Variants in USP47 observed in about 807,000 individuals in gnomAD.
USP47 encodes ubiquitin specific peptidase 47, also known as ubiquitin carboxyl-terminal hydrolase 47.
In USP47, 35 loss-of-function variants were observed where a neutral mutation model predicts 165.1. That is an observed-to-expected ratio of 0.21 (90% CI 0.16 to 0.28). The LOEUF (loss-of-function observed/expected upper bound fraction) is 0.28. Among genes scored for constraint, USP47 ranks in the 10% least tolerant of loss-of-function variants. USP47 has a pLI of 1.00. For missense variants in USP47, 1,277 were observed against 1,607.4 expected, an observed-to-expected ratio of 0.79 and a Z score of 3.52; for synonymous variants, 531 against 544.5, an observed-to-expected ratio of 0.98 and a Z score of 0.35.
In USP47 at chr11:11,952,857, G is replaced by T; in HGVS notation, c.3700G>T (p.Glu1234Ter). ...EVVLESSSVDELREKLSEISG... is the reference protein window; with the variant it reads ...EVVLESSSVD ...TGTATTGGAAAGCAGTAGTGTGGAC[G>T]AATTGCGAGAGAAGGTAAGTTCATT... Residue 1234 changes from glutamate to a stop codon, truncating the protein, a stop_gained, in exon 25 of 28, where the codon GAA (glutamate) becomes TAA (stop). Transcript: ENST00000527733. LOFTEE classifies it high-confidence loss of function. 6.2e-7 allele frequency: 1 copy of T among 1,602,108 alleles called. No homozygotes were observed. The highest frequency in any genetic ancestry group is 1.1e-5 in the South Asian group (1 of 89,398).
chr11:11,892,832 A>AG (rs1329741053), intron 4 of USP47, among the ~76,000 whole-genome samples: 17 of 143,178 alleles, frequency 1.2e-4, no homozygotes, highest in South Asian at 4.4e-4. Flanking sequence ...AAAAAAAAAA[A>AG]AAGAAAAAGA....
chr11:11,864,814 T>C lies in USP47; in HGVS notation c.40-15363T>C, dbSNP rs1471935558. 2.0e-5 allele frequency among the ~76,000 whole-genome samples: 3 copies of C among 152,172 alleles called. No homozygotes were observed. The East Asian group carries it at 5.8e-4, about 29-fold the overall frequency. The stretch of plus-strand genomic sequence containing the variant: ...TTATTTCTATTTAGATAACTTTCTT[T>C]AGCCATTTTCTTTTAGGTTAGGTCT... On this transcript the variant is annotated intron_variant, in intron 1 of 27. Transcript: ENST00000527733.
intron 19 of USP47, among the ~76,000 whole-genome samples, chr11:11,941,856 A>G (rs1250514010): frequency 6.6e-6 from 1 of 151,902 alleles, no homozygotes; most frequent in African/African-American, 2.4e-5. Context: ...GCTTCCTTGC[A>G]GTTTGTTACA....
intron 3 of USP47, among the ~76,000 whole-genome samples, chr11:11,889,899 C>G (rs753352425): frequency 6.6e-6 from 1 of 152,044 alleles, no homozygotes; most frequent in Non-Finnish European, 1.5e-5. Flanking sequence ...AGAAATAAGA[C>G]CACACATCTA....
At chr11:11,845,747 G>A (rs1298056456) in intron 1 of USP47, among the ~76,000 whole-genome samples, 1 of 152,092 alleles carries the variant, frequency 6.6e-6, no homozygotes, top group Non-Finnish European at 1.5e-5. Flanking sequence ...CAGCATCATT[G>A]GCAAGCTATT....
chr11:11,955,946 T>G, intron 27 of USP47, 55 bp from the exon 28 acceptor site: 1 of 1,368,368 alleles, frequency 7.3e-7, no homozygotes, highest in South Asian at 1.5e-5. Flanking sequence ...AAGCATACAT[T>G]AATAGAGGTG....
chr11:11,850,927 G>A (rs1300952040), intron 1 of USP47, among the ~76,000 whole-genome samples: 1 of 152,174 alleles, frequency 6.6e-6, no homozygotes. Context: ...GCTCTCTGGG[G>A]CCTCTTTTAC....
At chr11:11,955,222 T>C (rs1414793146) in intron 27 of USP47, 58 bp downstream of exon 27, 3 of 1,564,280 alleles carry the variant, frequency 1.9e-6, no homozygotes, top group African/African-American at 1.4e-5. Context: ...TGCATACATA[T>C]CTTATTTTCC....
chr11:11,938,900 T>C (rs1179699411), intron 18 of USP47, among the ~76,000 whole-genome samples: 1 of 151,696 alleles, frequency 6.6e-6, no homozygotes, highest in African/African-American at 2.4e-5. Context: ...TTGTAATTGT[T>C]AAATGTTGGG....
At chr11:11,928,557 A>G (rs1854423599) in intron 11 of USP47, among the ~76,000 whole-genome samples, 1 of 152,076 alleles carries the variant, frequency 6.6e-6, no homozygotes, top group African/African-American at 2.4e-5. Context: ...TAAATAAAAT[A>G]AAGCTTGTCT....
intron 1 of USP47, 93 bp from the exon 2 acceptor site, chr11:11,880,084 C>CTGT (rs1267115968): frequency 4.4e-6 from 4 of 900,630 alleles, no homozygotes; most frequent in Non-Finnish European, 6.3e-6. Flanking sequence ...TTCCTGAGGT[C>CTGT]TTTTACATTT....
chr11:11,926,874 A>C (rs1854291647), intron 11 of USP47, among the ~76,000 whole-genome samples: 2 of 147,356 alleles, frequency 1.4e-5, no homozygotes, highest in East Asian at 2.0e-4. Flanking sequence ...TCATTGCATA[A>C]GTTTTGGTAT....
chr11:11,946,967 A>G (rs1855887061), intron 20 of USP47, among the ~76,000 whole-genome samples: 1 of 152,194 alleles, frequency 6.6e-6, no homozygotes, highest in African/African-American at 2.4e-5. Context: ...ATGTTGGTTT[A>G]CCAGGAGTGT....
At chr11:11,849,585 A>C (rs559159581) in intron 1 of USP47, among the ~76,000 whole-genome samples, 19 of 152,234 alleles carry the variant, frequency 1.2e-4, no homozygotes, top group Admixed American at 3.3e-4. Flanking sequence ...CAAACCTACC[A>C]ATTTTGACTT....
At chr11:11,886,083 C>T (rs968675918) in intron 3 of USP47, among the ~76,000 whole-genome samples, 3 of 152,126 alleles carry the variant, frequency 2.0e-5, no homozygotes, top group African/African-American at 7.2e-5. Context: ...CCCACACAAT[C>T]CCTATTCAAA....
chr11:11,896,546 A>G (rs1035957291), intron 4 of USP47, among the ~76,000 whole-genome samples: 25 of 152,178 alleles, frequency 1.6e-4, no homozygotes, highest in African/African-American at 6.0e-4. Flanking sequence ...ATTATTAATA[A>G]TCAGCTTAGA....
Position 11,959,444 on chromosome 11 carries a change from T to G in USP47, c.*3269T>G, listed in dbSNP as rs1212718994. 3.3e-5 allele frequency: 5 copies of G among 152,146 alleles called. No homozygotes were observed. Among genetic ancestry groups the G allele is most frequent in the Non-Finnish European group, 5.9e-5 (4 of 68,024 alleles). 9.4% of individuals were successfully genotyped at this position (152,146 alleles called of 1,614,324 possible). A position where few individuals can be genotyped will look rare whatever the true frequency, so the allele number is the denominator to read the frequency against. Reference sequence around the variant, plus strand: ...TATGTGCGATTTACCAGGGAGATAGTAGGACAGTTTTTATGAGGGTTTCAA... The same window carrying G: ...TATGTGCGATTTACCAGGGAGATAGGAGGACAGTTTTTATGAGGGTTTCAA... On this transcript the variant is annotated 3_prime_UTR_variant, in exon 28 of 28. Transcript: ENST00000527733.
In USP47 at chr11:11,948,440, T is replaced by A. The variant is rs750408663; in HGVS notation, c.3268-38T>A. 4 of 1,542,606 alleles carry A rather than the reference T, an allele frequency of 2.6e-6. No homozygotes were observed. The South Asian group carries it at 4.5e-5, about 17-fold the overall frequency. On this transcript the variant is annotated intron_variant, in intron 21 of 27. Coordinates refer to ENST00000527733, the MANE Select transcript of USP47 (RefSeq NM_001282659.2). ...GATGAGAATGGGTTGTTTATTCTGC[T>A]GAGACAGCATGTCTAAAAAAATGTT...
rs1324981320 is a variant in USP47, at chr11:11,955,154, A to G, written c.3883A>G (p.Ile1295Val). 4 of 1,612,632 alleles carry G rather than the reference A, an allele frequency of 2.5e-6. No individual in the cohort carries two copies. The highest frequency in any genetic ancestry group is 1.1e-5 in the South Asian group (1 of 90,762). The change falls in exon 27 of 28, where the codon ATA becomes GTA. Residue 1295 changes from isoleucine to valine, a missense_variant. Coordinates refer to ENST00000527733, the MANE Select transcript of USP47 (RefSeq NM_001282659.2). ...TTATATCTGTGATGATGGTGCGGTC[A>G]TATTTTATAGGTAACATTCACAATG... ...PLYICDDGAV[I>V]FYRDKTEELM...
Sources: gnomAD v4.1 joint callset for allele counts (sites outside exome capture counted in the v4.1 genomes callset) on GRCh38, gnomAD v4.1.1 for gene constraint, MANE v1.5 for transcripts, NCBI Gene and HGNC (gene_info 2026-07-23, HGNC 2026-07-21) for gene names.